ZNF721: variants seen among roughly 807,000 people sequenced by gnomAD.
The protein encoded by ZNF721 is zinc finger protein 721.
A neutral mutation model predicts 2.4 loss-of-function variants in ZNF721; 2 were observed. The ratio of observed to expected loss-of-function variants is 0.82; its 90% CI spans 0.34 to 2.58. ZNF721 has a LOEUF of 2.58. Among genes scored for constraint, ZNF721 ranks in the 30% most tolerant of loss-of-function variants. ZNF721 has a pLI of 0.11. For synonymous variants in ZNF721, 398 were observed against 381.8 expected (o/e 1.04, Z -0.50); for missense variants, 1,187 against 1,085.5 (o/e 1.09, Z -1.31).
chr4:456,050 T>TTTATTTA lies in ZNF721; in HGVS notation c.35-11619_35-11618insTAAATAA, dbSNP rs1560231358. Among the ~76,000 whole-genome samples the TTTATTTA allele has an allele frequency of 3.0e-3, 432 of 144,404 alleles. 1 individual carries two copies. The highest frequency in any genetic ancestry group is 0.011 in the African/African-American group (416 of 38,646). 94.7% of individuals were successfully genotyped at this position (144,404 alleles called of 152,430 possible). A position where few individuals can be genotyped will look rare whatever the true frequency, so the allele number is the denominator to read the frequency against. ...AAACAGTCATGATCACCAAAAAAATTTTTATTTATTTATTTATTTATTTAT... is the reference window on the plus strand; with the variant it reads ...AAACAGTCATGATCACCAAAAAAATTTTATTTATTTATTTATTTATTTATTTATTTAT... On this transcript the variant is annotated intron_variant, in intron 2 of 2. Transcript: ENST00000511833.
At chr4:468,671 T>C (rs1231519081) in intron 2 of ZNF721, among the ~76,000 whole-genome samples, 1 of 152,190 alleles carries the variant, frequency 6.6e-6, no homozygotes, top group Non-Finnish European at 1.5e-5. Context: ...AGCAGCACCC[T>C]TGAGACTCAG....
intron 2 of ZNF721, among the ~76,000 whole-genome samples, chr4:444,970 G>C (rs1391494437): frequency 2.7e-5 from 4 of 148,026 alleles, no homozygotes; most frequent in African/African-American, 7.5e-5. Context: ...TACAGCAAGT[G>C]ATGAGAGACT....
At position 442,533 on chromosome 4, in the gene ZNF721, T is replaced by A. The variant is rs114280700; in HGVS notation, c.1934A>T (p.Glu645Val). Residue 645 changes from glutamate to valine, a missense_variant, in exon 3 of 3, where the codon GAG (glutamate) becomes GTG (valine). By Grantham distance (121) the Glu-to-Val change is moderately radical (BLOSUM62 -2). Transcript: ENST00000511833. ...TGATGGGGCAAAGGCTTTGCCACAC[T>A]CTTCACATTTGTAAGGTTTCTCCCC... The part of the protein sequence containing the change: ...YTGEKPYKCE[E>V]CGKAFAPSTD... 2.9e-3 allele frequency: 4,648 copies of A among 1,613,956 alleles called. 116 individuals carry two copies. In the African/African-American group the frequency reaches 0.052, roughly 18 times the overall value.
Position 461,984 on chromosome 4 carries a change from G to A in ZNF721, c.34+10591C>T, listed in dbSNP as rs1009766693. The stretch of plus-strand genomic sequence containing the variant: ...AGTCAAATTGTCTCTGTTTGCAGAT[G>A]ACATGATTGTATATTTAGAAAACCC... On this transcript the variant is annotated intron_variant, in intron 2 of 2. Coordinates refer to ENST00000511833, the MANE Select transcript of ZNF721 (RefSeq NM_133474.4). 5.1e-4 allele frequency among the ~76,000 whole-genome samples: 77 copies of A among 152,290 alleles called. 1 individual carries two copies. Among genetic ancestry groups the A allele is most frequent in the African/African-American group, 1.7e-3 (72 of 41,564 alleles).
chr4:493,657 C>T (rs1391258241), intron 1 of ZNF721, among the ~76,000 whole-genome samples: 4 of 134,226 alleles, frequency 3.0e-5, no homozygotes, highest in Non-Finnish European at 1.5e-5. Context: ...CCAGTCTGGG[C>T]AACAGAGGAA....
chr4:478,936 ATTT>A (rs1428603300), intron 1 of ZNF721, among the ~76,000 whole-genome samples: 1 of 151,768 alleles, frequency 6.6e-6, no homozygotes, highest in African/African-American at 2.4e-5. Flanking sequence ...TGCCAGGCTA[ATTT>A]TTTTGTATTT....
chr4:451,420 C>T (rs1714657432), intron 2 of ZNF721, among the ~76,000 whole-genome samples: 2 of 152,144 alleles, frequency 1.3e-5, no homozygotes, highest in South Asian at 4.1e-4. Context: ...GATGGGACCT[C>T]GTGCCAAACA....
chr4:495,625 G>A (rs966699625), intron 1 of ZNF721, among the ~76,000 whole-genome samples: 1 of 151,012 alleles, frequency 6.6e-6, no homozygotes, highest in Non-Finnish European at 1.5e-5. Flanking sequence ...TTTTTGAGAC[G>A]GAATCTCACT....
chr4:492,188 C>A (rs988807522), intron 1 of ZNF721, among the ~76,000 whole-genome samples: 41 of 146,150 alleles, frequency 2.8e-4, no homozygotes, highest in Middle Eastern at 6.9e-3. Context: ...AACAAACAAA[C>A]AAAAAAAAAA....
intron 1 of ZNF721, among the ~76,000 whole-genome samples, chr4:498,220 A>G (rs1716370354): frequency 7.5e-6 from 1 of 132,634 alleles, no homozygotes; most frequent in East Asian, 2.0e-4. Context: ...AAAAAGAAAA[A>G]AAAAAAAAAA....
chr4:464,672 T>C (rs1715185414), intron 2 of ZNF721, among the ~76,000 whole-genome samples: 1 of 152,182 alleles, frequency 6.6e-6, no homozygotes, highest in Non-Finnish European at 1.5e-5. Flanking sequence ...AACTTTTGCT[T>C]GAGGCCAGGA....
chr4:463,934 GA>G (rs1375521686), intron 2 of ZNF721, among the ~76,000 whole-genome samples: 8 of 151,688 alleles, frequency 5.3e-5, no homozygotes, highest in Non-Finnish European at 1.0e-4. Flanking sequence ...TAATACAGAT[GA>G]AAAAAATGGC....
At chr4:444,479 T>C (rs1347438763) in intron 2 of ZNF721, 47 bp from the exon 3 acceptor site, 3 of 1,486,322 alleles carry the variant, frequency 2.0e-6, no homozygotes, top group Non-Finnish European at 2.7e-6. Flanking sequence ...TAGATTCATA[T>C]GCATATACTT....
At position 499,110 on chromosome 4, in the gene ZNF721, C is replaced by T. The variant is rs1411008678; in HGVS notation, c.-148G>A. On this transcript the variant is annotated 5_prime_UTR_variant, in exon 1 of 3. Coordinates refer to ENST00000511833, the MANE Select transcript of ZNF721 (RefSeq NM_133474.4). ...CGCCGGGAAGACGGCCCCACGGAGC[C>T]GGGAACACCGCCCGCTGTTCGTATG... 7 of 563,496 alleles carry T rather than the reference C, an allele frequency of 1.2e-5. No homozygotes were observed. In the Admixed American group the frequency reaches 1.4e-4, roughly 11 times the overall value. 34.9% of individuals were successfully genotyped at this position (563,496 alleles called of 1,614,324 possible). A position where few individuals can be genotyped will look rare whatever the true frequency, so the allele number is the denominator to read the frequency against.
At chr4:485,704 A>T (rs533707983) in intron 1 of ZNF721, among the ~76,000 whole-genome samples, 102 of 152,302 alleles carry the variant, frequency 6.7e-4, no homozygotes, top group African/African-American at 2.3e-3. Context: ...TTCTGGCTTA[A>T]CTGGCGCACG....
intron 1 of ZNF721, among the ~76,000 whole-genome samples, chr4:474,861 G>A (rs1553868400): frequency 1.3e-5 from 2 of 152,076 alleles, no homozygotes; most frequent in Non-Finnish European, 2.9e-5. Flanking sequence ...GGGCGACAGA[G>A]TGAGACTCCG....
chr4:476,173 T>C (rs1715619053), intron 1 of ZNF721, among the ~76,000 whole-genome samples: 1 of 152,216 alleles, frequency 6.6e-6, no homozygotes, highest in African/African-American at 2.4e-5. Context: ...GTATGGATTA[T>C]GCAATAAGTT....
intron 2 of ZNF721, among the ~76,000 whole-genome samples, chr4:456,050 T>TATTTA: frequency 6.9e-6 from 1 of 144,406 alleles, no homozygotes; most frequent in African/African-American, 2.6e-5. Flanking sequence ...CCAAAAAAAT[T>TATTTA]TTTATTTATT....
intron 1 of ZNF721, among the ~76,000 whole-genome samples, chr4:481,283 C>T (rs1387739162): frequency 6.6e-6 from 1 of 152,168 alleles, no homozygotes; most frequent in Non-Finnish European, 1.5e-5. Context: ...CTGCATTATT[C>T]TCTTCCACCA....
Sources: gnomAD v4.1 joint callset for allele counts (sites outside exome capture counted in the v4.1 genomes callset) on GRCh38, gnomAD v4.1.1 for gene constraint, MANE v1.5 for transcripts, NCBI Gene and HGNC (gene_info 2026-07-23, HGNC 2026-07-21) for gene names.